Variants in PTPRA observed in about 807,000 individuals in gnomAD.
PTPRA encodes the protein protein tyrosine phosphatase receptor type A, also known as receptor-type tyrosine-protein phosphatase alpha.
A neutral mutation model predicts 104.8 loss-of-function variants in PTPRA; 25 were observed. That is an observed-to-expected ratio of 0.24 (90% confidence interval 0.17 to 0.33). The LOEUF (loss-of-function observed/expected upper bound fraction) is 0.33, where lower values mean the gene tolerates loss of function less well. PTPRA is among the 10% of genes least tolerant of loss of function. PTPRA has a pLI of 1.00. For synonymous variants in PTPRA, 323 were observed against 368.9 expected (o/e 0.88, Z 1.43); for missense variants, 765 against 1,015.3 (o/e 0.75, Z 3.35).
At chr20:2,989,078 G>A (rs1192916399) in intron 9 of PTPRA, among the ~76,000 whole-genome samples, 1 of 152,206 alleles carries the variant, frequency 6.6e-6, no homozygotes, top group African/African-American at 2.4e-5. Flanking sequence ...TTCCCACAAG[G>A]AAGCAGAATA....
At chr20:2,995,460 G>T (rs1434637848) in intron 9 of PTPRA, among the ~76,000 whole-genome samples, 3 of 152,108 alleles carry the variant, frequency 2.0e-5, no homozygotes, top group Non-Finnish European at 4.4e-5. Flanking sequence ...TTACCCTCAG[G>T]TCATGTTATG....
In PTPRA at chr20:2,873,961, C is replaced by T. The variant is rs2146720431; in HGVS notation, c.-129+201C>T. Among the ~76,000 whole-genome samples the T allele has an allele frequency of 6.6e-6, 1 of 152,286 alleles. No individual in the cohort carries two copies. Among genetic ancestry groups the T allele is most frequent in the South Asian group, 2.1e-4 (1 of 4,828 alleles). ...GTCGCGGGGAGGGGGTCCCCGGAAACGTGCCGGCCCGAGTGCCGACCCCTC... is the reference window on the plus strand; with the variant it reads ...GTCGCGGGGAGGGGGTCCCCGGAAATGTGCCGGCCCGAGTGCCGACCCCTC... On this transcript the variant is annotated intron_variant, in intron 1 of 23. Transcript: ENST00000399903. This position sits in a 1 kb window ranked among gnomAD's most constrained non-coding sequence, Gnocchi z 4.4.
intron 1 of PTPRA, among the ~76,000 whole-genome samples, chr20:2,880,154 G>A (rs575227951): frequency 3.9e-5 from 6 of 152,324 alleles, no homozygotes; most frequent in Admixed American, 1.3e-4. Context: ...AGAGTGAACT[G>A]ATCTGATTTG....
intron 1 of PTPRA, among the ~76,000 whole-genome samples, chr20:2,885,253 AT>A (rs1360898654): frequency 6.6e-6 from 1 of 152,160 alleles, no homozygotes; most frequent in Admixed American, 6.6e-5. Flanking sequence ...GTAAAGTGGT[AT>A]TGCATTATGT....
intron 2 of PTPRA, among the ~76,000 whole-genome samples, chr20:2,926,884 A>G (rs924458405): frequency 3.4e-5 from 5 of 146,062 alleles, no homozygotes; most frequent in African/African-American, 1.3e-4. Flanking sequence ...TCTGCCTCCT[A>G]GGCTGAAGTG....
chr20:2,877,902 C>T (rs1431297163), intron 1 of PTPRA, among the ~76,000 whole-genome samples: 1 of 152,116 alleles, frequency 6.6e-6, no homozygotes, highest in Non-Finnish European at 1.5e-5. Context: ...CCTGTAATCC[C>T]AGCACTTTGG....
intron 1 of PTPRA, among the ~76,000 whole-genome samples, chr20:2,918,216 A>G (rs955459401): frequency 3.9e-5 from 6 of 151,910 alleles, no homozygotes; most frequent in Admixed American, 3.9e-4. Context: ...TTAAAACGAG[A>G]CAGGGTGACC....
chr20:3,014,464 C>G lies in PTPRA; in HGVS notation c.907-1385C>G, dbSNP rs1043936772. Among the ~76,000 whole-genome samples the G allele has an allele frequency of 3.3e-5, 5 of 152,050 alleles. No individual in the cohort carries two copies. In the East Asian group the frequency reaches 9.7e-4, roughly 29 times the overall value. Reference sequence around the variant, plus strand: ...AGCAGCGTGGCCAACATGGTGAAACCCCATCTCTAATTTTTGTAAAAATAC... The same window carrying G: ...AGCAGCGTGGCCAACATGGTGAAACGCCATCTCTAATTTTTGTAAAAATAC... On this transcript the variant is annotated intron_variant, in intron 11 of 23. Coordinates refer to ENST00000399903, the MANE Select transcript of PTPRA (RefSeq NM_001385305.1).
intron 4 of PTPRA, 134 bp downstream of exon 4, chr20:2,964,484 G>T (rs1691304432): frequency 2.7e-6 from 2 of 742,980 alleles, no homozygotes; most frequent in South Asian, 1.9e-5. Context: ...GGTAAAATAG[G>T]TGTCTTCAGA....
intron 2 of PTPRA, among the ~76,000 whole-genome samples, chr20:2,926,769 C>CTTTTTTTTTTTTTTTTTT (rs777386962): frequency 2.1e-3 from 180 of 85,050 alleles, no homozygotes; most frequent in Admixed American, 3.1e-3. Flanking sequence ...TTTCCTTTTC[C>CTTTTTTTTTTTTTTTTTT]TTTTTTTTTT....
chr20:2,875,828 A>G (rs1234280087), intron 1 of PTPRA, among the ~76,000 whole-genome samples: 2 of 152,146 alleles, frequency 1.3e-5, no homozygotes, highest in Non-Finnish European at 2.9e-5. Context: ...CAGGCTGTGT[A>G]GGGAGCATCC....
Position 3,022,164 on chromosome 20 carries a change from C to T in PTPRA, c.1272C>T (p.Leu424=), listed in dbSNP as rs1253191985. 6.2e-7 allele frequency: 1 copy of T among 1,614,230 alleles called. No individual in the cohort carries two copies. ...PFTPIGMLKF[L]KKVKACNPQY... ...CCCCGATCGGCATGCTCAAGTTCCT[C>T]AAGAAGGTGAAGGCCTGTAACCCTC... The change falls in exon 15 of 24, where the codon CTC becomes CTT. Residue 424 remains leucine, a synonymous_variant. Transcript: ENST00000399903. This position sits in a 1 kb window ranked among gnomAD's most constrained non-coding sequence, Gnocchi z 4.6.
At chr20:3,001,228 G>T (rs1011150243) in intron 9 of PTPRA, among the ~76,000 whole-genome samples, 5 of 152,194 alleles carry the variant, frequency 3.3e-5, no homozygotes, top group Admixed American at 2.0e-4. Flanking sequence ...CATCCGTGAC[G>T]CAGGCTCTTC....
At chr20:2,972,179 C>T (rs986325589) in intron 5 of PTPRA, among the ~76,000 whole-genome samples, 20 of 152,038 alleles carry the variant, frequency 1.3e-4, no homozygotes, top group African/African-American at 4.8e-4. Context: ...TGAATTAATT[C>T]TTTAATCTTC....
In PTPRA at chr20:2,988,080, A is replaced by T. The variant is rs1409657781; in HGVS notation, c.576A>T (p.Leu192Phe). 1.3e-6 allele frequency: 2 copies of T among 1,590,828 alleles called. No individual in the cohort carries two copies. Among genetic ancestry groups the T allele is most frequent in the African/African-American group, 2.7e-5 (2 of 74,354 alleles). Reference protein sequence around the residue: ...QAGSHSNSFRLSNGRTEDVEP... With the variant: ...QAGSHSNSFRFSNGRTEDVEP... The stretch of plus-strand genomic sequence containing the variant: ...GGAGCCATTCCAATTCTTTCCGCTT[A>T]TCCAACGGCCGCACTGAGGATGTGG... The change falls in exon 8 of 24, where the codon TTA becomes TTT. Residue 192 changes from leucine (L) to phenylalanine (F), a missense_variant. By Grantham distance (22) the Leu-to-Phe change is conservative. Transcript: ENST00000399903.
chr20:2,923,819 G>A (rs116724838), intron 2 of PTPRA, among the ~76,000 whole-genome samples: 2,030 of 152,026 alleles, frequency 0.013, 46 homozygotes, highest in South Asian at 0.055. Context: ...AAAATAAAAA[G>A]ACCAAAGTTA....
chr20:2,987,352 C>T (rs988351246), intron 7 of PTPRA, among the ~76,000 whole-genome samples: 1 of 151,932 alleles, frequency 6.6e-6, no homozygotes, highest in African/African-American at 2.4e-5. Context: ...CTCTTTCTAA[C>T]CTTCTTTCAG....
chr20:3,027,938 C>G, intron 20 of PTPRA, 97 bp downstream of exon 20: 2 of 1,526,816 alleles, frequency 1.3e-6, no homozygotes, highest in Non-Finnish European at 1.8e-6. Context: ...GTGTTTGGAC[C>G]TTGTCTTTGA....
At chr20:3,029,538 A>ATTTTTTTTTT (rs1390310900) in intron 20 of PTPRA, among the ~76,000 whole-genome samples, 1 of 35,638 alleles carries the variant, frequency 2.8e-5, no homozygotes, top group Non-Finnish European at 4.2e-5. Context: ...GGTCTTCATC[A>ATTTTTTTTTT]TCTTTTTTTT....
Sources: gnomAD v4.1 joint callset for allele counts (sites outside exome capture counted in the v4.1 genomes callset) on GRCh38, gnomAD v4.1.1 for gene constraint, Gnocchi (gnomAD v3.1) non-coding constraint, MANE v1.5 for transcripts, NCBI Gene and HGNC (gene_info 2026-07-23, HGNC 2026-07-21) for gene names.